The following RBFOX2 variants were observed in gnomAD, a reference collection of about 807,000 sequenced individuals.
RBFOX2 encodes the protein RNA binding fox-1 homolog 2, also known as RNA binding protein fox-1 homolog 2.
Under a neutral mutation model 49.1 loss-of-function variants are expected in RBFOX2, and 10 were observed. The ratio of observed to expected loss-of-function variants is 0.20; its 90% confidence interval spans 0.13 to 0.35. RBFOX2 has a LOEUF of 0.35. Among genes scored for constraint, RBFOX2 ranks in the 10% least tolerant of loss-of-function variants. The pLI, the probability that RBFOX2 is intolerant of heterozygous loss-of-function variation, is 1.00. For synonymous variants in RBFOX2, 183 were observed against 187.4 expected, an observed-to-expected ratio of 0.98 and a Z score of 0.19; for missense variants, 323 against 486.9, an observed-to-expected ratio of 0.66 and a Z score of 3.17.
intron 1 of RBFOX2, among the ~76,000 whole-genome samples, chr22:35,947,022 T>G (rs925604061): frequency 6.6e-6 from 1 of 152,000 alleles, no homozygotes; most frequent in Non-Finnish European, 1.5e-5. Flanking sequence ...CGAAACCCCA[T>G]CTCTACTAAA....
intron 1 of RBFOX2, among the ~76,000 whole-genome samples, chr22:35,825,545 T>C (rs1028942510): frequency 6.6e-6 from 1 of 152,098 alleles, no homozygotes; most frequent in African/African-American, 2.4e-5. Context: ...TTTAGAAAGA[T>C]AAACATGGGT....
At chr22:35,992,540 A>T (rs1251502108) in intron 1 of RBFOX2, 1 of 152,204 alleles carries the variant, frequency 6.6e-6, no homozygotes, top group Non-Finnish European at 1.5e-5. Flanking sequence ...CAGAAAAAAA[A>T]TGAAATCAAA....
chr22:35,829,295 C>A (rs1358289215), intron 1 of RBFOX2, among the ~76,000 whole-genome samples: 1 of 151,794 alleles, frequency 6.6e-6, no homozygotes, highest in African/African-American at 2.4e-5. Context: ...CACAACTCAC[C>A]CAGAACTAAT....
At chr22:35,784,817 G>A (rs945399568) in intron 2 of RBFOX2, among the ~76,000 whole-genome samples, 1 of 152,142 alleles carries the variant, frequency 6.6e-6, no homozygotes, top group Non-Finnish European at 1.5e-5. Flanking sequence ...GGGCCCGGGG[G>A]CCGCGACCAC....
At chr22:35,980,468 A>C (rs2057401489) in intron 1 of RBFOX2, among the ~76,000 whole-genome samples, 1 of 152,244 alleles carries the variant, frequency 6.6e-6, no homozygotes, top group Non-Finnish European at 1.5e-5. Flanking sequence ...TTCTACTCAA[A>C]GCAAAGGAGT....
intron 9 of RBFOX2, among the ~76,000 whole-genome samples, chr22:35,750,875 C>G (rs925170951): frequency 1.3e-5 from 2 of 152,172 alleles, no homozygotes; most frequent in African/African-American, 4.8e-5. Flanking sequence ...ACTTCAAGTT[C>G]CAGCTTCTTC....
chr22:35,817,949 A>AACAC lies in RBFOX2; in HGVS notation c.28-7949_28-7946dup, dbSNP rs71322983. Among the ~76,000 whole-genome samples the AACAC allele has an allele frequency of 4.4e-3, 635 of 143,568 alleles. 7 individuals are homozygous for AACAC. Among genetic ancestry groups the AACAC allele is most frequent in the African/African-American group, 0.013 (494 of 39,322 alleles). 94.2% of individuals were successfully genotyped at this position (143,568 alleles called of 152,430 possible). ...TAAACTTGCCTCCAAATCACTTGTCAACACACACACACACACACACACACA... is the reference window on the plus strand; with the variant it reads ...TAAACTTGCCTCCAAATCACTTGTCAACACACACACACACACACACACACACACA... On this transcript the variant is annotated intron_variant, in intron 1 of 11. Transcript: ENST00000405409.
At chr22:35,810,507 C>G (rs1204060875) in intron 1 of RBFOX2, among the ~76,000 whole-genome samples, 1 of 152,094 alleles carries the variant, frequency 6.6e-6, no homozygotes, top group African/African-American at 2.4e-5. Flanking sequence ...ACAAGACAGA[C>G]ACACATGTAC....
chr22:35,924,916 G>C (rs538777731), intron 1 of RBFOX2, among the ~76,000 whole-genome samples: 1 of 152,296 alleles, frequency 6.6e-6, no homozygotes, highest in African/African-American at 2.4e-5. Flanking sequence ...GCTCACGCCT[G>C]TAATCCCAGC....
chr22:35,946,626 T>C (rs927437592), intron 1 of RBFOX2, among the ~76,000 whole-genome samples: 2 of 152,214 alleles, frequency 1.3e-5, no homozygotes, highest in Non-Finnish European at 2.9e-5. Context: ...TCCTACAAAG[T>C]AGCACATTTC....
At chr22:35,840,631 C>CAT (rs1556025816), upstream of RBFOX2, 1 of 1,005,626 alleles carries the variant, frequency 9.9e-7, no homozygotes, top group Non-Finnish European at 1.2e-6. Context: ...TGCGTGTGTG[C>CAT]GTGTGTGTGT....
rs540169042 is a variant in RBFOX2, at chr22:35,788,318, A to AG, written c.253-6573dup. Among the ~76,000 whole-genome samples the AG allele has an allele frequency of 8.5e-5, 13 of 152,338 alleles. No individual in the cohort carries two copies. In the South Asian group the frequency reaches 2.5e-3, roughly 29 times the overall value. ...ACATACGACTCTGATATAGATACTA[A>AG]GGAATCTCTTAATGAATTCAGAAAT... On this transcript the variant is annotated intron_variant, in intron 2 of 11. Transcript: ENST00000405409.
At chr22:36,008,128 AC>A (rs1336591548) in intron 1 of RBFOX2, among the ~76,000 whole-genome samples, 2 of 152,170 alleles carry the variant, frequency 1.3e-5, no homozygotes, top group Admixed American at 6.5e-5. Context: ...GTGACTTTTC[AC>A]CACCACAGCA....
chr22:35,995,521 C>T (rs2058154157), intron 1 of RBFOX2: 1 of 152,138 alleles, frequency 6.6e-6, no homozygotes, highest in Non-Finnish European at 1.5e-5. Flanking sequence ...AATTGTAATC[C>T]CCACGTGTCA....
intron 1 of RBFOX2, among the ~76,000 whole-genome samples, chr22:35,877,712 GTTAAT>G (rs1311403632): frequency 6.6e-6 from 1 of 152,134 alleles, no homozygotes; most frequent in Non-Finnish European, 1.5e-5. Flanking sequence ...TTTGGACCCA[GTTAAT>G]TTGGTTCCAA....
intron 2 of RBFOX2, among the ~76,000 whole-genome samples, chr22:35,782,007 G>T (rs1307560227): frequency 6.6e-6 from 1 of 152,170 alleles, no homozygotes; most frequent in Non-Finnish European, 1.5e-5. Flanking sequence ...AACGAACACG[G>T]AAGTACTAAG....
chr22:35,855,020 A>G (rs1331561319), intron 1 of RBFOX2, among the ~76,000 whole-genome samples: 2 of 152,190 alleles, frequency 1.3e-5, no homozygotes, highest in Non-Finnish European at 2.9e-5. Flanking sequence ...CCATGCATGG[A>G]TCAATAGCTC....
chr22:35,835,308 G>A (rs1183459778), intron 1 of RBFOX2, among the ~76,000 whole-genome samples: 1 of 152,160 alleles, frequency 6.6e-6, no homozygotes, highest in Non-Finnish European at 1.5e-5. Context: ...TGGGTAAGGG[G>A]GGGCTGTATC....
upstream of RBFOX2, among the ~76,000 whole-genome samples, chr22:35,961,957 T>C (rs149084728): frequency 7.2e-5 from 11 of 152,176 alleles, 1 homozygote; most frequent in African/African-American, 1.7e-4. Flanking sequence ...TGCTGAGCAT[T>C]AAAAACAACC....
Sources: gnomAD v4.1 joint callset for allele counts (sites outside exome capture counted in the v4.1 genomes callset) on GRCh38, gnomAD v4.1.1 for gene constraint, MANE v1.5 for transcripts, NCBI Gene and HGNC (gene_info 2026-07-23, HGNC 2026-07-21) for gene names.